CACNA2D1: variants seen among roughly 807,000 people sequenced by gnomAD.
CACNA2D1 encodes calcium voltage-gated channel auxiliary subunit alpha2delta 1.
Under a neutral mutation model 171.5 loss-of-function variants are expected in CACNA2D1, and 53 were observed. The ratio of observed to expected loss-of-function variants is 0.31; its 90% CI spans 0.25 to 0.39. The LOEUF (loss-of-function observed/expected upper bound fraction) is 0.39, where lower values mean the gene tolerates loss of function less well. Among genes scored for constraint, CACNA2D1 ranks in the 10% least tolerant of loss-of-function variants. The pLI is 1.00. For missense variants in CACNA2D1, 903 were observed against 1,299.8 expected, an observed-to-expected ratio of 0.69 and a Z score of 4.69; for synonymous variants, 442 against 443.1, an observed-to-expected ratio of 1.00 and a Z score of 0.03.
intron 10 of CACNA2D1, among the ~76,000 whole-genome samples, chr7:82,049,905 A>G (rs181480455): frequency 2.2e-4 from 33 of 152,352 alleles, no homozygotes; most frequent in African/African-American, 7.2e-4. Context: ...CATGGCAAAT[A>G]TCTTTTATTT....
chr7:82,407,296 C>G (rs1827163480), intron 1 of CACNA2D1, among the ~76,000 whole-genome samples: 1 of 152,200 alleles, frequency 6.6e-6, no homozygotes, highest in African/African-American at 2.4e-5. Flanking sequence ...ATTTGAATAT[C>G]TTTCCTTGGG....
intron 24 of CACNA2D1, among the ~76,000 whole-genome samples, chr7:81,977,367 A>C (rs539283673): frequency 6.6e-6 from 1 of 152,156 alleles, no homozygotes; most frequent in Non-Finnish European, 1.5e-5. Context: ...ACAGTAACCA[A>C]AACAGCATGG....
chr7:81,955,921 T>TGGG (rs1793230615), intron 38 of CACNA2D1, among the ~76,000 whole-genome samples: 1 of 32,290 alleles, frequency 3.1e-5, no homozygotes, highest in Non-Finnish European at 6.0e-5. Flanking sequence ...GGGGGGGGGG[T>TGGG]GGTGGTCTTA....
chr7:81,967,695 A>G, intron 29 of CACNA2D1, 32 bp from the exon 30 acceptor site: 2 of 1,004,116 alleles, frequency 2.0e-6, no homozygotes, highest in Non-Finnish European at 3.1e-6. Context: ...ATTCAAAGGT[A>G]TAATTAGATG....
chr7:81,954,444 T>TAAACC (rs1393286846), intron 38 of CACNA2D1, among the ~76,000 whole-genome samples: 1 of 152,084 alleles, frequency 6.6e-6, no homozygotes, highest in Non-Finnish European at 1.5e-5. Flanking sequence ...TTAAAAAATC[T>TAAACC]AAACCATAGT....
intron 8 of CACNA2D1, among the ~76,000 whole-genome samples, chr7:82,065,202 A>C (rs1807460549): frequency 6.6e-6 from 1 of 152,222 alleles, no homozygotes; most frequent in Admixed American, 6.5e-5. Context: ...TTCAGACAAC[A>C]TACAGCACAA....
intron 5 of CACNA2D1, among the ~76,000 whole-genome samples, chr7:82,129,370 T>G (rs528674471): frequency 2.2e-4 from 34 of 152,326 alleles, no homozygotes; most frequent in African/African-American, 7.9e-4. Flanking sequence ...TGCTTTGACT[T>G]GATCTCTGGG....
chr7:82,344,629 G>A (rs1315849844), intron 2 of CACNA2D1, among the ~76,000 whole-genome samples: 1 of 152,150 alleles, frequency 6.6e-6, no homozygotes, highest in African/African-American at 2.4e-5. Context: ...CAGGGAGGCA[G>A]GGGGAGGATG....
chr7:82,391,233 G>A (rs1825084987), intron 1 of CACNA2D1, among the ~76,000 whole-genome samples: 2 of 152,192 alleles, frequency 1.3e-5, no homozygotes, highest in South Asian at 4.1e-4. Flanking sequence ...TTCAAAGATG[G>A]TTTTAGAATC....
intron 5 of CACNA2D1, among the ~76,000 whole-genome samples, chr7:82,132,495 G>A (rs936851543): frequency 3.9e-5 from 6 of 152,170 alleles, no homozygotes; most frequent in African/African-American, 2.4e-5. Context: ...TAGAAGTGAT[G>A]TATGCAAACT....
chr7:82,034,526 T>C (rs982575710), intron 11 of CACNA2D1, among the ~76,000 whole-genome samples: 2 of 152,094 alleles, frequency 1.3e-5, no homozygotes, highest in African/African-American at 4.8e-5. Flanking sequence ...AACATGGCTG[T>C]TATCTTTGAA....
At chr7:82,089,733 CTATCTA>C (rs1810905243) in intron 6 of CACNA2D1, among the ~76,000 whole-genome samples, 1 of 152,194 alleles carries the variant, frequency 6.6e-6, no homozygotes, top group African/African-American at 2.4e-5. Context: ...CACGACTCTT[CTATCTA>C]TATCTTGTTT....
At chr7:82,217,390 CATACATATATATATATATATATATAT>C in intron 3 of CACNA2D1, among the ~76,000 whole-genome samples, 1 of 54,458 alleles carries the variant, frequency 1.8e-5, no homozygotes, top group Admixed American at 2.5e-4. Context: ...CACACACACA[CATACATATATATATATATATATATAT>C]ATATATATAT....
intron 1 of CACNA2D1, among the ~76,000 whole-genome samples, chr7:82,354,835 A>G (rs1336450265): frequency 6.6e-6 from 1 of 152,158 alleles, no homozygotes; most frequent in Non-Finnish European, 1.5e-5. Context: ...CAGGTGAAAA[A>G]GAAAAACAAG....
intron 1 of CACNA2D1, among the ~76,000 whole-genome samples, chr7:82,352,442 T>C (rs568141700): frequency 2.6e-5 from 4 of 152,284 alleles, no homozygotes; most frequent in African/African-American, 4.8e-5. Flanking sequence ...GAAGACACTA[T>C]AAAATTTGGG....
intron 6 of CACNA2D1, among the ~76,000 whole-genome samples, chr7:82,088,797 T>A (rs1810791476): frequency 6.6e-6 from 1 of 152,106 alleles, no homozygotes; most frequent in South Asian, 2.1e-4. Context: ...TATTCTATGA[T>A]CTTTTTGGCA....
intron 1 of CACNA2D1, among the ~76,000 whole-genome samples, chr7:82,414,958 A>T (rs1000448383): frequency 2.6e-5 from 4 of 152,218 alleles, no homozygotes; most frequent in African/African-American, 9.6e-5. Flanking sequence ...AGAAGGAACT[A>T]TTCTCACATT....
intron 12 of CACNA2D1, among the ~76,000 whole-genome samples, chr7:82,022,958 T>A (rs905974929): frequency 6.6e-6 from 1 of 151,950 alleles, no homozygotes; most frequent in Non-Finnish European, 1.5e-5. Context: ...TTTCATTTTT[T>A]AAATTAATTC....
intron 3 of CACNA2D1, among the ~76,000 whole-genome samples, chr7:82,322,083 G>A (rs1251939478): frequency 9.3e-6 from 1 of 107,912 alleles, no homozygotes; most frequent in Non-Finnish European, 1.7e-5. Context: ...CCGAGATCCC[G>A]CCACTGCACT....
Sources: gnomAD v4.1 joint callset for allele counts (sites outside exome capture counted in the v4.1 genomes callset) on GRCh38, gnomAD v4.1.1 for gene constraint, MANE v1.5 for transcripts, NCBI Gene and HGNC (gene_info 2026-07-23, HGNC 2026-07-21) for gene names.